Variants in DENND5A observed in about 807,000 individuals in gnomAD.
DENND5A encodes the protein DENN domain containing 5A, also known as DENN domain-containing protein 5A.
In DENND5A, 64 loss-of-function variants were observed where a neutral mutation model predicts 140.3. The ratio of observed to expected loss-of-function variants is 0.46; its 90% CI spans 0.37 to 0.56. The LOEUF (loss-of-function observed/expected upper bound fraction) is 0.56. DENND5A is among the 20% of genes least tolerant of loss of function. The probability of loss-of-function intolerance (pLI) is 0.00; values close to 1 mark genes in which losing one functional copy is unlikely to be tolerated. For synonymous variants in DENND5A, 605 were observed against 607.7 expected (o/e 1.00, Z 0.07); for missense variants, 1,292 against 1,593.8 (o/e 0.81, Z 3.22).
At chr11:9,175,850 A>T (rs964221003) in intron 8 of DENND5A, among the ~76,000 whole-genome samples, 1 of 152,236 alleles carries the variant, frequency 6.6e-6, no homozygotes, top group African/African-American at 2.4e-5. Context: ...GTAAAACCTA[A>T]AACTATAAAA....
At chr11:9,228,440 T>C (rs1850624683) in intron 1 of DENND5A, among the ~76,000 whole-genome samples, 1 of 151,916 alleles carries the variant, frequency 6.6e-6, no homozygotes, top group Non-Finnish European at 1.5e-5. Context: ...AACACAGTAA[T>C]GAAAACTCCA....
chr11:9,169,165 G>T (rs575549465), intron 10 of DENND5A, among the ~76,000 whole-genome samples: 1 of 152,254 alleles, frequency 6.6e-6, no homozygotes, highest in African/African-American at 2.4e-5. Flanking sequence ...CTTCTTTCTG[G>T]GCTGGGCGCA....
intron 1 of DENND5A, among the ~76,000 whole-genome samples, chr11:9,224,321 CGCA>C (rs1564925302): frequency 6.6e-6 from 1 of 152,180 alleles, no homozygotes; most frequent in African/African-American, 2.4e-5. Flanking sequence ...TCAAGCCTTA[CGCA>C]AATCACTTTA....
In DENND5A at chr11:9,141,972, GC is replaced by G. The variant is rs1564877269; in HGVS notation, c.3647del (p.Gly1216AlafsTer38). Reference protein sequence around the residue: ...NNTPRNIGKDGKFQMLVCLGA... With the variant: ...NNTPRNIGKDXKFQMLVCLGA... Reference sequence around the variant, plus strand: ...CCAAGCACACCAGCATCTGAAACTTGCCATCCTTGCCGATGTTCCGGGGAGT... The same window carrying G: ...CCAAGCACACCAGCATCTGAAACTTGCATCCTTGCCGATGTTCCGGGGAGT... On this transcript the variant is annotated frameshift_variant, in exon 22 of 23. Coordinates refer to ENST00000328194, the MANE Select transcript of DENND5A (RefSeq NM_015213.4). LOFTEE classifies it high-confidence loss of function. 2 of 1,601,572 alleles carry G rather than the reference GC, an allele frequency of 1.2e-6. No homozygotes were observed. The highest frequency in any genetic ancestry group is 1.7e-6 in the Non-Finnish European group (2 of 1,173,988).
chr11:9,223,634 G>C (rs139515765), intron 1 of DENND5A, among the ~76,000 whole-genome samples: 1 of 152,084 alleles, frequency 6.6e-6, no homozygotes, highest in Non-Finnish European at 1.5e-5. Flanking sequence ...TGGGAGGATT[G>C]CTCGAGCCAG....
At chr11:9,238,304 T>C (rs1030395714) in intron 1 of DENND5A, among the ~76,000 whole-genome samples, 2 of 152,108 alleles carry the variant, frequency 1.3e-5, no homozygotes, top group Non-Finnish European at 2.9e-5. Flanking sequence ...CACCTACACA[T>C]AGTAAAATCT....
chr11:9,179,151 T>A (rs1348444763), intron 6 of DENND5A, 78 bp from the exon 7 acceptor site: 2 of 1,341,386 alleles, frequency 1.5e-6, no homozygotes, highest in East Asian at 2.3e-5. Flanking sequence ...CTGATTTTTT[T>A]ATCTGATTTT....
At chr11:9,206,317 A>G (rs181509103) in intron 3 of DENND5A, among the ~76,000 whole-genome samples, 1 of 152,352 alleles carries the variant, frequency 6.6e-6, no homozygotes, top group African/African-American at 2.4e-5. Context: ...ACTTAGATAT[A>G]TACAGTGCAG....
At chr11:9,212,987 A>C (rs1849937553) in intron 1 of DENND5A, among the ~76,000 whole-genome samples, 1 of 147,608 alleles carries the variant, frequency 6.8e-6, no homozygotes, top group South Asian at 2.2e-4. Context: ...ATCAATGTCA[A>C]GTTCCTGGTT....
chr11:9,162,532 C>T (rs768864801), intron 11 of DENND5A, among the ~76,000 whole-genome samples: 7 of 152,046 alleles, frequency 4.6e-5, no homozygotes, highest in Admixed American at 2.6e-4. Flanking sequence ...AGCCACTGCG[C>T]CTGGCCAGTA....
chr11:9,244,364 T>A (rs13377443), intron 1 of DENND5A, among the ~76,000 whole-genome samples: 11 of 151,962 alleles, frequency 7.2e-5, no homozygotes, highest in Non-Finnish European at 1.5e-4. Context: ...TTATTTATTT[T>A]ATTTATTTTT....
chr11:9,231,092 G>C (rs1344336706), intron 1 of DENND5A, among the ~76,000 whole-genome samples: 1 of 152,192 alleles, frequency 6.6e-6, no homozygotes, highest in African/African-American at 2.4e-5. Flanking sequence ...CATTTGTATT[G>C]AGCATAAGAG....
chr11:9,164,194 ATTTTTTTTTTTTTTTTTT>A lies in DENND5A; in HGVS notation c.2283+1624_2283+1641del, dbSNP rs779522112. On this transcript the variant is annotated intron_variant, in intron 11 of 22. Coordinates refer to ENST00000328194, the MANE Select transcript of DENND5A (RefSeq NM_015213.4). ...CTAAAGGTGTGCACCACCACGCCTA[ATTTTTTTTTTTTTTTTTT>A]TTTTTTTTTTTTTTTTTTTTAGTAG... is the stretch of plus-strand genomic sequence containing the variant. Among the ~76,000 whole-genome samples the A allele has an allele frequency of 5.2e-4, 41 of 79,070 alleles. 1 individual carries two copies. Among genetic ancestry groups the A allele is most frequent in the East Asian group, 1.4e-3 (2 of 1,386 alleles). The allele number at this position is 79,070 out of a possible 152,430, so 51.9% of individuals were successfully genotyped here. A position where few individuals can be genotyped will look rare whatever the true frequency, so the allele number is the denominator to read the frequency against.
At chr11:9,205,440 A>C (rs1019071782) in intron 3 of DENND5A, among the ~76,000 whole-genome samples, 29 of 152,236 alleles carry the variant, frequency 1.9e-4, no homozygotes, top group Non-Finnish European at 3.2e-4. Context: ...TAGCATGTTA[A>C]AATGAAATAA....
chr11:9,248,766 T>C (rs968090607), intron 1 of DENND5A, among the ~76,000 whole-genome samples: 1 of 152,166 alleles, frequency 6.6e-6, no homozygotes. Flanking sequence ...TTACTTTTGG[T>C]TTACACATCT....
At chr11:9,217,700 A>G (rs905827259) in intron 1 of DENND5A, among the ~76,000 whole-genome samples, 3 of 152,218 alleles carry the variant, frequency 2.0e-5, no homozygotes, top group African/African-American at 7.2e-5. Flanking sequence ...AAATACATTA[A>G]AAAACAGAAA....
chr11:9,140,167 A>G, intron 22 of DENND5A: 2 of 1,395,802 alleles, frequency 1.4e-6, no homozygotes, highest in South Asian at 1.2e-5. Context: ...TACCACCACC[A>G]GGAATAATAA....
intron 11 of DENND5A, among the ~76,000 whole-genome samples, 184 bp downstream of exon 11, chr11:9,165,652 T>G (rs190861437): frequency 2.0e-4 from 31 of 152,330 alleles, no homozygotes; most frequent in Non-Finnish European, 4.3e-4. Context: ...CAAGTTGGTC[T>G]TGAACTCCTG....
At chr11:9,258,714 C>T (rs1185900084) in intron 1 of DENND5A, among the ~76,000 whole-genome samples, 1 of 152,126 alleles carries the variant, frequency 6.6e-6, no homozygotes, top group African/African-American at 2.4e-5. Flanking sequence ...AAATATCACT[C>T]AAGTAGCAGA....
Sources: gnomAD v4.1 joint callset for allele counts (sites outside exome capture counted in the v4.1 genomes callset) on GRCh38, gnomAD v4.1.1 for gene constraint, MANE v1.5 for transcripts, NCBI Gene and HGNC (gene_info 2026-07-23, HGNC 2026-07-21) for gene names.